The following C16orf78 variants were observed in gnomAD, a reference collection of about 807,000 sequenced individuals.
C16orf78 encodes the protein uncharacterized protein C16orf78.
C16orf78 carries 19 observed loss-of-function variants against 27.3 expected under a neutral mutation model. That is an observed-to-expected ratio of 0.70 (90% CI 0.49 to 1.02). The LOEUF (loss-of-function observed/expected upper bound fraction) is 1.02. Ranked by LOEUF, C16orf78 falls within the 50% of genes least tolerant of loss-of-function variation. C16orf78 has a pLI of 0.00. For missense variants in C16orf78, 339 were observed against 337.0 expected (o/e 1.01, Z -0.05); for synonymous variants, 130 against 116.1 (o/e 1.12, Z -0.77).
intron 4 of C16orf78, 150 bp downstream of exon 4, chr16:49,396,828 C>G: frequency 8.8e-7 from 1 of 1,130,240 alleles, no homozygotes; most frequent in Non-Finnish European, 1.2e-6. Context: ...TCCCAAAGGA[C>G]TGCTCCAGGG....
chr16:49,392,207 G>A (rs1242637723), intron 3 of C16orf78, among the ~76,000 whole-genome samples: 1 of 152,168 alleles, frequency 6.6e-6, no homozygotes, highest in Non-Finnish European at 1.5e-5. Context: ...CATCAACCTG[G>A]AAGTGGAATA....
At position 49,378,613 on chromosome 16, in the gene C16orf78, C is replaced by T. The variant is rs1187886938; in HGVS notation, c.394+20C>T. ...AATCTGGTAAGGGAAAAACCTTGGC[C>T]CCGGCCACCAGAATCCTGCTCCATA... On this transcript the variant is annotated intron_variant, in intron 3 of 4. Coordinates refer to ENST00000299191, the MANE Select transcript of C16orf78 (RefSeq NM_144602.4). The T allele has an allele frequency of 6.2e-7, 1 of 1,609,406 alleles. No homozygotes were observed. Among genetic ancestry groups the T allele is most frequent in the Non-Finnish European group, 8.5e-7 (1 of 1,176,256 alleles).
At chr16:49,383,563 C>G (rs948412946) in intron 3 of C16orf78, among the ~76,000 whole-genome samples, 4 of 152,192 alleles carry the variant, frequency 2.6e-5, no homozygotes, top group Non-Finnish European at 4.4e-5. Context: ...TATCTTTAAT[C>G]TCTTTCTCTT....
chr16:49,396,410 T>G lies in C16orf78; in HGVS notation c.395-13T>G. On this transcript the variant is annotated splice_polypyrimidine_tract_variant and intron_variant, in intron 3 of 4. Transcript: ENST00000299191. ...CACGGTCTAACTCTTTGATGGCATC[T>G]GTCCAATTTCAGATACAGACATCAA... 6.2e-7 allele frequency: 1 copy of G among 1,613,500 alleles called. No individual in the cohort carries two copies. Among genetic ancestry groups the G allele is most frequent in the Non-Finnish European group, 8.5e-7 (1 of 1,179,636 alleles).
chr16:49,381,085 C>A, intron 3 of C16orf78, among the ~76,000 whole-genome samples: 1 of 152,020 alleles, frequency 6.6e-6, no homozygotes. Flanking sequence ...CAGCTTTGTT[C>A]TTTTGGCTTA....
chr16:49,390,797 A>G (rs1456624157), intron 3 of C16orf78, among the ~76,000 whole-genome samples: 3 of 152,132 alleles, frequency 2.0e-5, no homozygotes, highest in East Asian at 1.9e-4. Context: ...TTTAACCTAA[A>G]TTATCTGGTT....
At chr16:49,376,068 G>A (rs1965213226) in intron 1 of C16orf78, among the ~76,000 whole-genome samples, 1 of 152,234 alleles carries the variant, frequency 6.6e-6, no homozygotes, top group African/African-American at 2.4e-5. Context: ...TTTTAAAGAA[G>A]CTTCTAAGAG....
rs1418245878 is a variant in C16orf78, at chr16:49,396,533, C to T, written c.505C>T (p.Gln169Ter). 3 of 1,614,042 alleles carry T rather than the reference C, an allele frequency of 1.9e-6. No individual in the cohort carries two copies. In the Admixed American group the frequency reaches 5.0e-5, roughly 27 times the overall value. Residue 169 changes from glutamine (Q) to a stop codon, truncating the protein, a stop_gained, in exon 4 of 5, where the codon CAG (glutamine) becomes TAG (stop). Coordinates refer to ENST00000299191, the MANE Select transcript of C16orf78 (RefSeq NM_144602.4). LOFTEE classifies it high-confidence loss of function. The part of the protein sequence containing the change: ...PMLQEGTFNS[Q>*]RATFIRDWSN... ...GTTACAGGAGGGTACCTTTAACAGCCAGAGGGCAACCTTCATAAGAGACTG... is the reference window on the plus strand; with the variant it reads ...GTTACAGGAGGGTACCTTTAACAGCTAGAGGGCAACCTTCATAAGAGACTG...
intron 4 of C16orf78, among the ~76,000 whole-genome samples, chr16:49,398,734 C>T (rs1965505661): frequency 6.6e-6 from 1 of 152,204 alleles, no homozygotes; most frequent in East Asian, 1.9e-4. Flanking sequence ...AGTCCATTAT[C>T]AGATTGACCA....
chr16:49,397,891 G>A (rs1188000322), intron 4 of C16orf78, among the ~76,000 whole-genome samples: 2 of 152,156 alleles, frequency 1.3e-5, no homozygotes, highest in Non-Finnish European at 2.9e-5. Context: ...TCAGCCTCCT[G>A]AGTAGCTGGG....
chr16:49,373,893 A>G lies in C16orf78; in HGVS notation c.-47A>G, dbSNP rs755871848. 2.5e-6 allele frequency: 4 copies of G among 1,608,392 alleles called. No individual in the cohort carries two copies. Among genetic ancestry groups the G allele is most frequent in the Non-Finnish European group, 3.4e-6 (4 of 1,176,826 alleles). Reference sequence around the variant, plus strand: ...TCCAGACAAAGGGATCGAAAGAGTGAGACAGTGCCAGCCACCTCCCACCCA... The same window carrying G: ...TCCAGACAAAGGGATCGAAAGAGTGGGACAGTGCCAGCCACCTCCCACCCA... On this transcript the variant is annotated 5_prime_UTR_variant, in exon 1 of 5. The change abolishes the stop of an existing upstream ORF in the 5' untranslated region. Coordinates refer to ENST00000299191, the MANE Select transcript of C16orf78 (RefSeq NM_144602.4).
intron 3 of C16orf78, among the ~76,000 whole-genome samples, chr16:49,391,888 C>T (rs935672542): frequency 2.0e-5 from 3 of 152,292 alleles, no homozygotes; most frequent in Non-Finnish European, 4.4e-5. Context: ...CAGAGCATAG[C>T]GCCAATTTCC....
intron 3 of C16orf78, among the ~76,000 whole-genome samples, chr16:49,393,717 G>C (rs1187391352): frequency 6.6e-6 from 1 of 151,920 alleles, no homozygotes; most frequent in Admixed American, 6.6e-5. Flanking sequence ...CTATGAAAAA[G>C]AGAAAATTAA....
intron 1 of C16orf78, among the ~76,000 whole-genome samples, chr16:49,375,206 C>A (rs1965199102): frequency 1.3e-5 from 2 of 152,158 alleles, no homozygotes; most frequent in Non-Finnish European, 2.9e-5. Context: ...GCATAGACTC[C>A]TCTGCTTTAT....
chr16:49,374,185 G>T (rs535856425), intron 1 of C16orf78, 96 bp downstream of exon 1: 1 of 1,482,394 alleles, frequency 6.7e-7, no homozygotes, highest in Non-Finnish European at 9.1e-7. Context: ...AACAAAAGGC[G>T]GGATGGTTTT....
intron 3 of C16orf78, among the ~76,000 whole-genome samples, chr16:49,379,058 G>A (rs1227462881): frequency 6.6e-6 from 1 of 152,150 alleles, no homozygotes; most frequent in East Asian, 1.9e-4. Flanking sequence ...AAGACTGCCT[G>A]GGTCCTGACC....
intron 3 of C16orf78, among the ~76,000 whole-genome samples, chr16:49,385,394 C>T (rs12597275): frequency 0.19 from 28,228 of 151,966 alleles, 2,797 homozygotes; most frequent in South Asian, 0.3. Context: ...GTTTTATGGC[C>T]AGGCACAGTG....
intron 1 of C16orf78, 39 bp from the exon 2 acceptor site, chr16:49,377,692 C>A: frequency 1.3e-6 from 2 of 1,589,998 alleles, no homozygotes; most frequent in Non-Finnish European, 8.6e-7. Flanking sequence ...GCTGTCCCCA[C>A]AGCAGTGGCT....
chr16:49,392,808 T>C (rs529432671), intron 3 of C16orf78, among the ~76,000 whole-genome samples: 35 of 152,322 alleles, frequency 2.3e-4, no homozygotes, highest in African/African-American at 8.4e-4. Context: ...AGTGAGCATA[T>C]GATATGGTTT....
Sources: gnomAD v4.1 joint callset for allele counts (sites outside exome capture counted in the v4.1 genomes callset) on GRCh38, gnomAD v4.1.1 for gene constraint, MANE v1.5 for transcripts, NCBI Gene and HGNC (gene_info 2026-07-23, HGNC 2026-07-21) for gene names.